Variants in ASB18 observed in about 807,000 individuals in gnomAD.
ASB18 encodes the protein ankyrin repeat and SOCS box containing 18.
ASB18 carries 33 observed loss-of-function variants against 33.4 expected under a neutral mutation model. The ratio of observed to expected loss-of-function variants is 0.99; its 90% CI spans 0.75 to 1.32. The LOEUF (loss-of-function observed/expected upper bound fraction) is 1.32. Ranked by LOEUF, ASB18 falls within the 40% of genes most tolerant of loss-of-function variation. The pLI, the probability that ASB18 is intolerant of heterozygous loss-of-function variation, is 0.00. For missense variants in ASB18, 694 were observed against 655.5 expected (o/e 1.06, Z -0.64); for synonymous variants, 295 against 307.6 (o/e 0.96, Z 0.43).
Position 236,234,912 on chromosome 2 carries a change from C to A in ASB18, c.596+2777G>T, listed in dbSNP as rs189464098. On this transcript the variant is annotated intron_variant, in intron 3 of 5. Transcript: ENST00000409749. The surrounding 1 kb of genome is among the most constrained non-coding windows in gnomAD (Gnocchi z 4.1). ...TTTTTTTTTAGATATCATAACCCAA[C>A]CTAATCCTTAAAAGAGAAAAAATGG... 1.4e-4 allele frequency among the ~76,000 whole-genome samples: 22 copies of A among 152,096 alleles called. No homozygotes were observed. The highest frequency in any genetic ancestry group is 4.6e-4 in the Admixed American group (7 of 15,272).
Position 236,260,590 on chromosome 2 carries a change from T to C in ASB18, c.205+3551A>G, listed in dbSNP as rs565597926. Among the ~76,000 whole-genome samples, 6 of 152,284 alleles carry C rather than the reference T, an allele frequency of 3.9e-5. No individual in the cohort carries two copies. Among genetic ancestry groups the C allele is most frequent in the African/African-American group, 1.4e-4 (6 of 41,548 alleles). ...CACAGGAAAAAGGAACCTATGCCCA[T>C]TTTAGGCTGCGACAGTGAGTCTTTG... On this transcript the variant is annotated intron_variant, in intron 1 of 5. Coordinates refer to ENST00000409749, the MANE Select transcript of ASB18 (RefSeq NM_212556.4). The surrounding 1 kb of genome is among the most constrained non-coding windows in gnomAD (Gnocchi z 5.1).
At position 236,217,424 on chromosome 2, in the gene ASB18, A is replaced by AAAAAATAAT. The variant is rs1553600511; in HGVS notation, c.597-2559_597-2558insATTATTTTT. 2.7e-5 allele frequency among the ~76,000 whole-genome samples: 4 copies of AAAAAATAAT among 150,406 alleles called. No homozygotes were observed. Among genetic ancestry groups the AAAAAATAAT allele is most frequent in the African/African-American group, 9.9e-5 (4 of 40,516 alleles). On this transcript the variant is annotated intron_variant, in intron 3 of 5. Coordinates refer to ENST00000409749, the MANE Select transcript of ASB18 (RefSeq NM_212556.4). This position sits in a 1 kb window ranked among gnomAD's most constrained non-coding sequence, Gnocchi z 5.2. ...CGAGACTCTGTCTCAAAAAAAAAAA[A>AAAAAATAAT]AAATAAATCTTGGCACCTTCAACTC... is the stretch of plus-strand genomic sequence containing the variant.
chr2:236,217,412 C>CAAAAAAA lies in ASB18; in HGVS notation c.597-2553_597-2547dup, dbSNP rs1184456986. On this transcript the variant is annotated intron_variant, in intron 3 of 5. Transcript: ENST00000409749. This position sits in a 1 kb window ranked among gnomAD's most constrained non-coding sequence, Gnocchi z 5.2. Reference sequence around the variant, plus strand: ...GGGGCAACAGAGCGAGACTCTGTCTCAAAAAAAAAAAAAAATAAATCTTGG... The same window carrying CAAAAAAA: ...GGGGCAACAGAGCGAGACTCTGTCTCAAAAAAAAAAAAAAAAAAAAAATAAATCTTGG... Among the ~76,000 whole-genome samples the CAAAAAAA allele has an allele frequency of 1.2e-5, 1 of 85,390 alleles. No homozygotes were observed. Among genetic ancestry groups the CAAAAAAA allele is most frequent in the African/African-American group, 7.3e-5 (1 of 13,706 alleles). 56.0% of individuals were successfully genotyped at this position (85,390 alleles called of 152,430 possible).
chr2:236,205,562 T>C lies in ASB18; in HGVS notation c.1101+8800A>G, dbSNP rs72620807. Among the ~76,000 whole-genome samples, 4 of 152,168 alleles carry C rather than the reference T, an allele frequency of 2.6e-5. No homozygotes were observed. Among genetic ancestry groups the C allele is most frequent in the Non-Finnish European group, 5.9e-5 (4 of 68,034 alleles). On this transcript the variant is annotated intron_variant, in intron 4 of 5. Coordinates refer to ENST00000409749, the MANE Select transcript of ASB18 (RefSeq NM_212556.4). This position sits in a 1 kb window ranked among gnomAD's most constrained non-coding sequence, Gnocchi z 5.4. ...AATGCCTGTCTTCCCCATTAGAATG[T>C]AAGCTCCACATAGGCAGGAATACTT... is the stretch of plus-strand genomic sequence containing the variant.
At chr2:236,230,124 A>T (rs2060557780) in intron 3 of ASB18, among the ~76,000 whole-genome samples, 1 of 152,004 alleles carries the variant, frequency 6.6e-6, no homozygotes, top group Admixed American at 6.6e-5. Context: ...TTGAGAAGAT[A>T]AAAAGGGGAT....
At position 236,223,496 on chromosome 2, in the gene ASB18, T is replaced by C. The variant is rs1221237328; in HGVS notation, c.597-8630A>G. Among the ~76,000 whole-genome samples, 1 of 152,164 alleles carries C rather than the reference T, an allele frequency of 6.6e-6. No homozygotes were observed. The highest frequency in any genetic ancestry group is 2.4e-5 in the African/African-American group (1 of 41,418). On this transcript the variant is annotated intron_variant, in intron 3 of 5. Coordinates refer to ENST00000409749, the MANE Select transcript of ASB18 (RefSeq NM_212556.4). The surrounding 1 kb of genome is among the most constrained non-coding windows in gnomAD (Gnocchi z 4.6). Reference sequence around the variant, plus strand: ...GAGGTGGGGGGAGCTTTAAACTGGATGAGAGAAACATTGTATGCATGTAGG... The same window carrying C: ...GAGGTGGGGGGAGCTTTAAACTGGACGAGAGAAACATTGTATGCATGTAGG...
In ASB18 at chr2:236,217,424, A is replaced by AAAAAAAAAT. The variant is rs1553600511; in HGVS notation, c.597-2559_597-2558insATTTTTTTT. 8.6e-5 allele frequency among the ~76,000 whole-genome samples: 13 copies of AAAAAAAAAT among 150,306 alleles called. No individual in the cohort carries two copies. Among genetic ancestry groups the AAAAAAAAAT allele is most frequent in the African/African-American group, 3.0e-4 (12 of 40,404 alleles). The stretch of plus-strand genomic sequence containing the variant: ...CGAGACTCTGTCTCAAAAAAAAAAA[A>AAAAAAAAAT]AAATAAATCTTGGCACCTTCAACTC... On this transcript the variant is annotated intron_variant, in intron 3 of 5. Transcript: ENST00000409749. This position sits in a 1 kb window ranked among gnomAD's most constrained non-coding sequence, Gnocchi z 5.2.
In ASB18 at chr2:236,244,632, C is replaced by T. The variant is rs1036130627; in HGVS notation, c.206-3230G>A. Among the ~76,000 whole-genome samples the T allele has an allele frequency of 6.6e-6, 1 of 152,110 alleles. No individual in the cohort carries two copies. The highest frequency in any genetic ancestry group is 2.4e-5 in the African/African-American group (1 of 41,406). The stretch of plus-strand genomic sequence containing the variant: ...CCCCCTACCCCTCGTCAAGTGCCCC[C>T]CGACCTCTGAGTGCCCAACCAGAGC... On this transcript the variant is annotated intron_variant, in intron 1 of 5. Transcript: ENST00000409749. The surrounding 1 kb of genome is among the most constrained non-coding windows in gnomAD (Gnocchi z 6.1).
rs1176121434 is a variant in ASB18, at chr2:236,214,180, G to A, written c.1101+182C>T. The A allele has an allele frequency of 3.1e-6, 2 of 637,770 alleles. No homozygotes were observed. The highest frequency in any genetic ancestry group is 5.2e-6 in the Non-Finnish European group (2 of 384,514). 39.5% of individuals were successfully genotyped at this position (637,770 alleles called of 1,614,324 possible). On this transcript the variant is annotated intron_variant, in intron 4 of 5. Coordinates refer to ENST00000409749, the MANE Select transcript of ASB18 (RefSeq NM_212556.4). This position sits in a 1 kb window ranked among gnomAD's most constrained non-coding sequence, Gnocchi z 6.5. ...ACAGCAGTCTAGGCCACACCCGGGA[G>A]CTTGTTGGCAATGCAGGCTCTCCCA... is the stretch of plus-strand genomic sequence containing the variant.
Position 236,237,560 on chromosome 2 carries a change from G to A in ASB18, c.596+129C>T. The A allele has an allele frequency of 2.8e-6, 2 of 709,478 alleles. No homozygotes were observed. The highest frequency in any genetic ancestry group is 4.1e-6 in the Non-Finnish European group (2 of 488,264). 43.9% of individuals were successfully genotyped at this position (709,478 alleles called of 1,614,324 possible). A position where few individuals can be genotyped will look rare whatever the true frequency, so the allele number is the denominator to read the frequency against. On this transcript the variant is annotated intron_variant, in intron 3 of 5. Coordinates refer to ENST00000409749, the MANE Select transcript of ASB18 (RefSeq NM_212556.4). This position sits in a 1 kb window ranked among gnomAD's most constrained non-coding sequence, Gnocchi z 6.2. ...GGGGATCCAGTGGGCAGAGTCAAGG[G>A]TGCAGGGTCTGGGTCCGGAGGCGGG...
chr2:236,204,586 C>T lies in ASB18; in HGVS notation c.1102-8201G>A, dbSNP rs1006951428. 1.3e-5 allele frequency among the ~76,000 whole-genome samples: 2 copies of T among 152,184 alleles called. No individual in the cohort carries two copies. Among genetic ancestry groups the T allele is most frequent in the Non-Finnish European group, 2.9e-5 (2 of 68,042 alleles). On this transcript the variant is annotated intron_variant, in intron 4 of 5. Transcript: ENST00000409749. This position sits in a 1 kb window ranked among gnomAD's most constrained non-coding sequence, Gnocchi z 5.1. ...TCTCTCCCTCTCAAACTTTGGGCTT[C>T]GATATCCAGCTGCTTACATTGTAGC...
In ASB18 at chr2:236,234,028, G is replaced by A. The variant is rs2060578314; in HGVS notation, c.596+3661C>T. On this transcript the variant is annotated intron_variant, in intron 3 of 5. Transcript: ENST00000409749. This position sits in a 1 kb window ranked among gnomAD's most constrained non-coding sequence, Gnocchi z 4.1. ...AAAGTTACAATATTCAAGACAGTAT[G>A]GTATTGGTGTTAAAACAGGCAAATA... Among the ~76,000 whole-genome samples the A allele has an allele frequency of 6.6e-6, 1 of 152,220 alleles. No individual in the cohort carries two copies. The highest frequency in any genetic ancestry group is 1.5e-5 in the Non-Finnish European group (1 of 68,038).
Position 236,252,267 on chromosome 2 carries a change from T to TCACACACACACACACACACA in ASB18, c.206-10885_206-10866dup, listed in dbSNP as rs113672805. Reference sequence around the variant, plus strand: ...GCCTTGGCAACAGAGTGAGACTCCGTCACACACACACACACACACACACAC... The same window carrying TCACACACACACACACACACA: ...GCCTTGGCAACAGAGTGAGACTCCGTCACACACACACACACACACACACACACACACACACACACACACAC... On this transcript the variant is annotated intron_variant, in intron 1 of 5. Transcript: ENST00000409749. This position sits in a 1 kb window ranked among gnomAD's most constrained non-coding sequence, Gnocchi z 7.9. 2.2e-5 allele frequency among the ~76,000 whole-genome samples: 3 copies of TCACACACACACACACACACA among 138,580 alleles called. No individual in the cohort carries two copies. Among genetic ancestry groups the TCACACACACACACACACACA allele is most frequent in the Admixed American group, 7.4e-5 (1 of 13,498 alleles). The allele number at this position is 138,580 out of a possible 152,430, so 90.9% of individuals were successfully genotyped here.
At position 236,216,798 on chromosome 2, in the gene ASB18, A is replaced by C. The variant is rs1366403466; in HGVS notation, c.597-1932T>G. 6.6e-6 allele frequency among the ~76,000 whole-genome samples: 1 copy of C among 152,202 alleles called. No homozygotes were observed. Among genetic ancestry groups the C allele is most frequent in the Non-Finnish European group, 1.5e-5 (1 of 68,036 alleles). ...CCCCTGCCTGCTGGGCGAAGCCCAC[A>C]CTGCTCTCTTCAGGACCCAGGACAC... On this transcript the variant is annotated intron_variant, in intron 3 of 5. Transcript: ENST00000409749. This position sits in a 1 kb window ranked among gnomAD's most constrained non-coding sequence, Gnocchi z 6.1.
At position 236,263,702 on chromosome 2, in the gene ASB18, A is replaced by G. The variant is rs2060730778; in HGVS notation, c.205+439T>C. Reference sequence around the variant, plus strand: ...AGAAGCAAAAAGGTAACCAAATACTATCTTTTTGTAGGCATTTGGTTTAAG... The same window carrying G: ...AGAAGCAAAAAGGTAACCAAATACTGTCTTTTTGTAGGCATTTGGTTTAAG... On this transcript the variant is annotated intron_variant, in intron 1 of 5. Coordinates refer to ENST00000409749, the MANE Select transcript of ASB18 (RefSeq NM_212556.4). The surrounding 1 kb of genome is among the most constrained non-coding windows in gnomAD (Gnocchi z 4.0). Among the ~76,000 whole-genome samples the G allele has an allele frequency of 6.7e-6, 1 of 149,358 alleles. No homozygotes were observed. Among genetic ancestry groups the G allele is most frequent in the East Asian group, 1.9e-4 (1 of 5,180 alleles).
rs1393775384 is a variant in ASB18, at chr2:236,214,709, C to T, written c.754G>A (p.Gly252Arg). The T allele has an allele frequency of 8.7e-7, 1 of 1,152,618 alleles. No individual in the cohort carries two copies. The highest frequency in any genetic ancestry group is 4.1e-5 in the South Asian group (1 of 24,362). 71.4% of individuals were successfully genotyped at this position (1,152,618 alleles called of 1,614,324 possible). Residue 252 changes from glycine to arginine, a missense_variant, in exon 4 of 6, where the codon GGA becomes AGA. Gly to Arg is a moderately radical substitution (Grantham distance 125). Coordinates refer to ENST00000409749, the MANE Select transcript of ASB18 (RefSeq NM_212556.4). The surrounding 1 kb of genome is among the most constrained non-coding windows in gnomAD (Gnocchi z 6.5). ...GAHVDARNGRGETALSAACGA... is the reference protein window; with the variant it reads ...GAHVDARNGRRETALSAACGA... ...CAGGCCGCGCTCAGAGCCGTCTCTC[C>T]GCGGCCGTTCCTCGCGTCCACGTGC...
Position 236,237,894 on chromosome 2 carries a change from C to A in ASB18, c.391G>T (p.Gly131Cys). 1 of 1,499,586 alleles carries A rather than the reference C, an allele frequency of 6.7e-7. No homozygotes were observed. Among genetic ancestry groups the A allele is most frequent in the Non-Finnish European group, 8.8e-7 (1 of 1,131,498 alleles). 92.9% of individuals were successfully genotyped at this position (1,499,586 alleles called of 1,614,324 possible). A position where few individuals can be genotyped will look rare whatever the true frequency, so the allele number is the denominator to read the frequency against. Residue 131 changes from glycine (G) to cysteine (C), a missense_variant, in exon 3 of 6, where the codon GGC becomes TGC. By Grantham distance (159) the Gly-to-Cys change is radical. Coordinates refer to ENST00000409749, the MANE Select transcript of ASB18 (RefSeq NM_212556.4). This position sits in a 1 kb window ranked among gnomAD's most constrained non-coding sequence, Gnocchi z 6.2. ...TTPLCIAAAH[G>C]HTACVRHLLG... ...AGGTGTCGCACGCAGGCGGTGTGGC[C>A]GTGGGCCGCGGCGATGCACAGGGGC...
intron 4 of ASB18, among the ~76,000 whole-genome samples, chr2:236,206,996 T>A (rs926828362): frequency 6.6e-6 from 1 of 152,190 alleles, no homozygotes; most frequent in African/African-American, 2.4e-5. Flanking sequence ...GTGCTGCTGG[T>A]GAAGCTACAC....
At position 236,223,637 on chromosome 2, in the gene ASB18, C is replaced by T. The variant is rs1210901506; in HGVS notation, c.597-8771G>A. Among the ~76,000 whole-genome samples the T allele has an allele frequency of 6.6e-6, 1 of 152,182 alleles. No individual in the cohort carries two copies. The highest frequency in any genetic ancestry group is 1.5e-5 in the Non-Finnish European group (1 of 68,044). On this transcript the variant is annotated intron_variant, in intron 3 of 5. Transcript: ENST00000409749. This position sits in a 1 kb window ranked among gnomAD's most constrained non-coding sequence, Gnocchi z 4.6. ...AAGGAATATACCTATGTAACCAATA[C>T]CTCAATGAAGACATAGAATATTTCC...
Sources: gnomAD v4.1 joint callset for allele counts (sites outside exome capture counted in the v4.1 genomes callset) on GRCh38, gnomAD v4.1.1 for gene constraint, Gnocchi (gnomAD v3.1) non-coding constraint, MANE v1.5 for transcripts, NCBI Gene and HGNC (gene_info 2026-07-23, HGNC 2026-07-21) for gene names.